DYSF: variants seen among roughly 807,000 people sequenced by gnomAD.
The protein encoded by DYSF is dystrophy-associated fer-1-like 1.
DYSF carries 212 observed loss-of-function variants against 274.9 expected under a neutral mutation model. The observed-to-expected ratio is 0.77, with a 90% CI of 0.69 to 0.86. The LOEUF (loss-of-function observed/expected upper bound fraction) is 0.86. Ranked by LOEUF, DYSF falls within the 40% of genes least tolerant of loss-of-function variation. The pLI, the probability that DYSF is intolerant of heterozygous loss-of-function variation, is 0.00. For missense variants in DYSF, 2,666 were observed against 2,783.2 expected, an observed-to-expected ratio of 0.96 and a Z score of 0.95; for synonymous variants, 1,091 against 1,078.7, an observed-to-expected ratio of 1.01 and a Z score of -0.22.
intron 5 of DYSF, 130 bp from the exon 6 acceptor site, chr2:71,513,110 A>G (rs1261063065): frequency 4.7e-6 from 4 of 858,680 alleles, no homozygotes; most frequent in Non-Finnish European, 5.8e-6. Flanking sequence ...CTCCACAGCT[A>G]TTTCTGAGCT....
At chr2:71,627,288 TG>T in intron 41 of DYSF, among the ~76,000 whole-genome samples, 1 of 152,052 alleles carries the variant, frequency 6.6e-6, no homozygotes, top group Admixed American at 6.5e-5. Context: ...GTAATATTTT[TG>T]TTATTTCCCA....
chr2:71,497,418 G>A (rs551850857), intron 3 of DYSF, among the ~76,000 whole-genome samples: 3 of 152,170 alleles, frequency 2.0e-5, no homozygotes, highest in South Asian at 2.1e-4. Flanking sequence ...ATCTTCACCC[G>A]GTTCTCGTGA....
In DYSF at chr2:71,565,613, TGCATTCATATATTG is replaced by T. The variant is rs370473427; in HGVS notation, c.2565+1403_2565+1416del. Among the ~76,000 whole-genome samples, 5 of 140,918 alleles carry T rather than the reference TGCATTCATATATTG, an allele frequency of 3.5e-5. No individual in the cohort carries two copies. In the East Asian group the frequency reaches 9.7e-4, roughly 27 times the overall value. The allele number at this position is 140,918 out of a possible 152,430, so 92.4% of individuals were successfully genotyped here. On this transcript the variant is annotated intron_variant, in intron 24 of 55. Transcript: ENST00000410020. Reference sequence around the variant, plus strand: ...AGCAGAGCCCCCTGAGTGATGCTGATGCATTCATATATTGGCCAGTCCTCTTGTTGTCCCCTGGG... The same window carrying T: ...AGCAGAGCCCCCTGAGTGATGCTGATGCCAGTCCTCTTGTTGTCCCCTGGG...
chr2:71,528,957 C>A (rs534845022), intron 14 of DYSF, among the ~76,000 whole-genome samples: 1 of 152,060 alleles, frequency 6.6e-6, no homozygotes, highest in African/African-American at 2.4e-5. Context: ...CTGTGCACCC[C>A]CCACAGGCTT....
At position 71,590,222 on chromosome 2, in the gene DYSF, T is replaced by A. The variant is rs749405808; in HGVS notation, c.3508T>A (p.Tyr1170Asn). ...TTCCCTTGGTGAAGATGGGAACCGC[T>A]ACCATCTACGCTGCTACATGTACCA... ...ISCIFDYGNR[Y>N]HLRCYMYQAR... The change falls in exon 32 of 56, where the codon TAC (tyrosine) becomes AAC (asparagine). Residue 1170 changes from tyrosine (Y) to asparagine (N), a missense_variant. Around this residue, in one of 3 missense-constraint regions of DYSF, gnomAD observed 1,460 missense variants for 1,502.1 expected, o/e 0.97. Coordinates refer to ENST00000410020, the MANE Select transcript of DYSF (RefSeq NM_001130987.2). The A allele has an allele frequency of 6.2e-6, 10 of 1,614,080 alleles. No individual in the cohort carries two copies. The highest frequency in any genetic ancestry group is 8.5e-6 in the Non-Finnish European group (10 of 1,180,008).
intron 22 of DYSF, among the ~76,000 whole-genome samples, chr2:71,559,091 C>T (rs2091538080): frequency 6.6e-6 from 1 of 152,178 alleles, no homozygotes; most frequent in South Asian, 2.1e-4. Flanking sequence ...GGCTCATCTT[C>T]CGGGAGCCTC....
At position 71,615,645 on chromosome 2, in the gene DYSF, G is replaced by A. The variant is rs1015471307; in HGVS notation, c.4464+2235G>A. ...TCACTCGCCTCTCCTCCCTGTCCCT[G>A]GCACTCTGAAGGACAGGCGCTCCAA... On this transcript the variant is annotated intron_variant, in intron 40 of 55. Transcript: ENST00000410020. This position sits in a 1 kb window ranked among gnomAD's most constrained non-coding sequence, Gnocchi z 4.9. 2.0e-5 allele frequency among the ~76,000 whole-genome samples: 3 copies of A among 152,134 alleles called. No homozygotes were observed. Among genetic ancestry groups the A allele is most frequent in the Non-Finnish European group, 4.4e-5 (3 of 68,022 alleles).
intron 30 of DYSF, among the ~76,000 whole-genome samples, chr2:71,584,590 T>C (rs2093003042): frequency 6.6e-6 from 1 of 152,256 alleles, no homozygotes; most frequent in African/African-American, 2.4e-5. Flanking sequence ...GCCTGGGTGC[T>C]GCACATGTGG....
At chr2:71,614,280 C>T (rs1452376431) in intron 40 of DYSF, among the ~76,000 whole-genome samples, 1 of 152,200 alleles carries the variant, frequency 6.6e-6, no homozygotes, top group Non-Finnish European at 1.5e-5. Flanking sequence ...CCCCTGGCAC[C>T]CTGGGGCTCC....
At chr2:71,529,124 A>G (rs1023952516) in intron 14 of DYSF, among the ~76,000 whole-genome samples, 2 of 152,330 alleles carry the variant, frequency 1.3e-5, no homozygotes, top group South Asian at 4.1e-4. Flanking sequence ...TTTTCTCTGC[A>G]CAAACTGCCC....
chr2:71,472,390 G>A (rs1349195378), intron 1 of DYSF, among the ~76,000 whole-genome samples: 1 of 152,140 alleles, frequency 6.6e-6, no homozygotes, highest in Non-Finnish European at 1.5e-5. Flanking sequence ...GCATTGTCCT[G>A]TAAATCTTTG....
At chr2:71,675,906 G>A (rs9677779) in intron 52 of DYSF, among the ~76,000 whole-genome samples, 27,519 of 151,852 alleles carry the variant, frequency 0.18, 2,665 homozygotes, top group South Asian at 0.21. Context: ...GTATATGAAT[G>A]GATTTCTATT....
exon 1 of DYSF, chr2:71,453,572 AG>A: frequency 3.3e-6 from 1 of 300,470 alleles, no homozygotes; most frequent in South Asian, 3.0e-5. Context: ...TCCAAGAGCG[AG>A]ATCTGGGCTA....
At chr2:71,518,659 C>G (rs1013709568) in intron 10 of DYSF, among the ~76,000 whole-genome samples, 10 of 152,140 alleles carry the variant, frequency 6.6e-5, no homozygotes, top group African/African-American at 2.4e-4. Flanking sequence ...AGAGCACAAG[C>G]TTATTTTCCC....
Position 71,668,944 on chromosome 2 carries a change from G to C in DYSF, c.5546+102G>C, listed in dbSNP as rs1361476989. On this transcript the variant is annotated intron_variant, in intron 49 of 55. Coordinates refer to ENST00000410020, the MANE Select transcript of DYSF (RefSeq NM_001130987.2). Reference sequence around the variant, plus strand: ...GGTTGCTCTTTTCTGCCGGGCTTCAGGCTATTTGGGCCATGGAATACAGTT... The same window carrying C: ...GGTTGCTCTTTTCTGCCGGGCTTCACGCTATTTGGGCCATGGAATACAGTT... 2.9e-6 allele frequency: 4 copies of C among 1,378,730 alleles called. No individual in the cohort carries two copies. In the East Asian group the frequency reaches 9.9e-5, roughly 34 times the overall value. The allele number at this position is 1,378,730 out of a possible 1,614,324, so 85.4% of individuals were successfully genotyped here.
chr2:71,503,174 TTAGGC>T (rs763494252), intron 3 of DYSF, 35 bp from the exon 4 acceptor site: 4 of 1,587,686 alleles, frequency 2.5e-6, no homozygotes, highest in Non-Finnish European at 3.5e-6. Context: ...CCAGGGTGCC[TTAGGC>T]TAGTTTTCTA....
Position 71,598,592 on chromosome 2 carries a change from C to T in DYSF, c.3603C>T (p.His1201=). The change falls in exon 33 of 56, where the codon CAC becomes CAT. Residue 1201 remains histidine (H), a synonymous_variant. Coordinates refer to ENST00000410020, the MANE Select transcript of DYSF (RefSeq NM_001130987.2). ...CCTATGCCATCGTCTCCTTCCTGCA[C>T]CAGAGCCAGAAGACGGTGGTGGTGA... ...SDPYAIVSFL[H]QSQKTVVVKN... 4 of 1,614,246 alleles carry T rather than the reference C, an allele frequency of 2.5e-6. No individual in the cohort carries two copies. Among genetic ancestry groups the T allele is most frequent in the East Asian group, 2.2e-5 (1 of 44,884 alleles).
intron 40 of DYSF, among the ~76,000 whole-genome samples, chr2:71,616,494 G>C (rs920796183): frequency 6.6e-6 from 1 of 150,932 alleles, no homozygotes; most frequent in Admixed American, 6.6e-5. Context: ...GGTGGGGGTG[G>C]TAGGAGCAGG....
At chr2:71,514,425 C>T (rs13410610) in intron 7 of DYSF, among the ~76,000 whole-genome samples, 1,558 of 152,284 alleles carry the variant, frequency 0.01, 26 homozygotes, top group African/African-American at 0.035. Flanking sequence ...ATCTATCCCC[C>T]TGCATATAGC....
Sources: gnomAD v4.1 joint callset for allele counts (sites outside exome capture counted in the v4.1 genomes callset) on GRCh38, gnomAD v4.1.1 for gene constraint, gnomAD v4.1.1 regional missense constraint, Gnocchi (gnomAD v3.1) non-coding constraint, MANE v1.5 for transcripts, NCBI Gene and HGNC (gene_info 2026-07-23, HGNC 2026-07-21) for gene names.